STON1: variants seen among roughly 807,000 people sequenced by gnomAD.
The protein encoded by STON1 is stonin 1.
STON1 carries 79 observed loss-of-function variants against 60.9 expected under a neutral mutation model. That is an observed-to-expected ratio of 1.30 (90% CI 1.08 to 1.56). STON1 has a LOEUF of 1.56. Among genes scored for constraint, STON1 ranks in the 40% most tolerant of loss-of-function variants. STON1 has a pLI of 0.00. For synonymous variants in STON1, 363 were observed against 306.9 expected (o/e 1.18, Z -1.91); for missense variants, 1,166 against 858.9 (o/e 1.36, Z -4.47).
intron 1 of STON1, among the ~76,000 whole-genome samples, chr2:48,579,409 G>C (rs1343747038): frequency 6.6e-6 from 1 of 151,964 alleles, no homozygotes; most frequent in East Asian, 1.9e-4. Context: ...TACTGTTTTG[G>C]TGTGCTGTGT....
chr2:48,578,233 T>C (rs1420269783), intron 1 of STON1, among the ~76,000 whole-genome samples: 1 of 152,170 alleles, frequency 6.6e-6, no homozygotes, highest in African/African-American at 2.4e-5. Flanking sequence ...CACCTTGGCC[T>C]CCCAAAGTTG....
Position 48,595,585 on chromosome 2 carries a change from C to T in STON1, c.*283C>T, listed in dbSNP as rs542825634. Reference sequence around the variant, plus strand: ...GGCACTGTTACTCGTTGTGTGACCCCGCAGCCAGTATGATTTTTGATTACT... The same window carrying T: ...GGCACTGTTACTCGTTGTGTGACCCTGCAGCCAGTATGATTTTTGATTACT... On this transcript the variant is annotated 3_prime_UTR_variant, in exon 4 of 4. Coordinates refer to ENST00000404752, the MANE Select transcript of STON1 (RefSeq NM_006873.4). 5.4e-5 allele frequency: 20 copies of T among 368,492 alleles called. 1 individual carries two copies. Among genetic ancestry groups the T allele is most frequent in the South Asian group, 3.0e-4 (10 of 32,934 alleles). 22.8% of individuals were successfully genotyped at this position (368,492 alleles called of 1,614,324 possible).
chr2:48,559,921 G>T (rs1672540305), intron 1 of STON1, among the ~76,000 whole-genome samples: 1 of 152,202 alleles, frequency 6.6e-6, no homozygotes, highest in Admixed American at 6.5e-5. Context: ...ACTCTCTGTA[G>T]ATGGTGGTCC....
At chr2:48,577,970 T>C (rs1433238152) in intron 1 of STON1, among the ~76,000 whole-genome samples, 1 of 151,346 alleles carries the variant, frequency 6.6e-6, no homozygotes, top group Non-Finnish European at 1.5e-5. Context: ...TCAAGTCTTA[T>C]GTTTAAATCT....
At chr2:48,574,693 C>G (rs533758417) in intron 1 of STON1, among the ~76,000 whole-genome samples, 18 of 152,230 alleles carry the variant, frequency 1.2e-4, no homozygotes, top group African/African-American at 4.3e-4. Context: ...AAAGTGTAAA[C>G]CTCACATATT....
Position 48,581,479 on chromosome 2 carries a change from T to C in STON1, c.846T>C (p.Ile282=). 2 of 1,614,210 alleles carry C rather than the reference T, an allele frequency of 1.2e-6. No individual in the cohort carries two copies. Among genetic ancestry groups the C allele is most frequent in the South Asian group, 2.2e-5 (2 of 91,086 alleles). The change falls in exon 2 of 4, where the codon ATT becomes ATC. Residue 282 remains isoleucine, a synonymous_variant. Coordinates refer to ENST00000404752, the MANE Select transcript of STON1 (RefSeq NM_006873.4). ...PKSGWSFMLR[I]PEKKNMMSSR... ...CCGGATGGTCTTTCATGCTGAGAAT[T>C]CCTGAGAAGAAGAATATGATGTCTT...
At chr2:48,578,110 G>A (rs1370194076) in intron 1 of STON1, among the ~76,000 whole-genome samples, 1 of 152,156 alleles carries the variant, frequency 6.6e-6, no homozygotes, top group Admixed American at 6.5e-5. Context: ...GAGTAGCTTG[G>A]AATACAGGTG....
intron 3 of STON1, among the ~76,000 whole-genome samples, chr2:48,594,515 C>T (rs1674693051): frequency 6.6e-6 from 1 of 152,028 alleles, no homozygotes; most frequent in African/African-American, 2.4e-5. Context: ...AGTCCCTGTC[C>T]TCATGGAGCA....
At chr2:48,586,240 A>G (rs1479825083) in intron 2 of STON1, among the ~76,000 whole-genome samples, 3 of 152,216 alleles carry the variant, frequency 2.0e-5, no homozygotes, top group Non-Finnish European at 4.4e-5. Context: ...AACTGATTCA[A>G]TCAACAAGAA....
rs867349665 is a variant in STON1 at position 48,555,327 on chromosome 2, C to G, written c.-48+25111C>G. Among the ~76,000 whole-genome samples the G allele has an allele frequency of 3.9e-3, 107 of 27,470 alleles. 1 individual carries two copies. Among genetic ancestry groups the G allele is most frequent in the Non-Finnish European group, 4.3e-3 (54 of 12,468 alleles). The allele number at this position is 27,470 out of a possible 152,430, so 18.0% of individuals were successfully genotyped here. On this transcript the variant is annotated intron_variant, in intron 1 of 3. Transcript: ENST00000404752. ...GCTGGCCGGGCGGGGGGGGCTGACC[C>G]CCCCCACCTCCCTCCCGGATGGGGC...
At chr2:48,550,198 A>T (rs372525791) in intron 1 of STON1, among the ~76,000 whole-genome samples, 160 of 152,192 alleles carry the variant, frequency 1.1e-3, no homozygotes, top group East Asian at 2.7e-3. Context: ...ATATAAATAT[A>T]TCTTAAGCAT....
Position 48,595,386 on chromosome 2 carries a change from G to T in STON1, c.*84G>T. ...CACCAAGTCCTGCTACTGTAGAGTG[G>T]AAATGACTTCTGAATAGCGGTTTTA... On this transcript the variant is annotated 3_prime_UTR_variant, in exon 4 of 4. Transcript: ENST00000404752. 1 of 1,252,608 alleles carries T rather than the reference G, an allele frequency of 8.0e-7. No homozygotes were observed. 77.6% of individuals were successfully genotyped at this position (1,252,608 alleles called of 1,614,324 possible). A position where few individuals can be genotyped will look rare whatever the true frequency, so the allele number is the denominator to read the frequency against.
chr2:48,574,535 T>C (rs747078786), intron 1 of STON1, among the ~76,000 whole-genome samples: 4 of 152,264 alleles, frequency 2.6e-5, no homozygotes, highest in Non-Finnish European at 5.9e-5. Flanking sequence ...AAAGCTGTTA[T>C]TTAAAAAATT....
chr2:48,534,802 A>G (rs1671357572), intron 1 of STON1, among the ~76,000 whole-genome samples: 1 of 152,182 alleles, frequency 6.6e-6, no homozygotes, highest in Non-Finnish European at 1.5e-5. Context: ...GTGAGGAGGG[A>G]GAAAAACAAA....
At chr2:48,549,220 C>T (rs1671990091) in intron 1 of STON1, among the ~76,000 whole-genome samples, 2 of 152,192 alleles carry the variant, frequency 1.3e-5, no homozygotes, top group Admixed American at 1.3e-4. Context: ...GTAACAAGAG[C>T]AGAAGAATTT....
chr2:48,586,434 G>T (rs1296897311), intron 2 of STON1, among the ~76,000 whole-genome samples: 3 of 152,214 alleles, frequency 2.0e-5, no homozygotes, highest in African/African-American at 7.2e-5. Context: ...CTGTGGAAAA[G>T]TGCATAGTTC....
At chr2:48,533,974 G>A (rs1348426819) in intron 1 of STON1, among the ~76,000 whole-genome samples, 2 of 151,940 alleles carry the variant, frequency 1.3e-5, no homozygotes, top group East Asian at 1.9e-4. Context: ...TCTCCATGTT[G>A]GTCAGGCTGG....
chr2:48,595,492 G>C lies in STON1; in HGVS notation c.*190G>C. The C allele has an allele frequency of 1.8e-6, 1 of 551,510 alleles. No individual in the cohort carries two copies. The highest frequency in any genetic ancestry group is 3.2e-6 in the Non-Finnish European group (1 of 313,532). 34.2% of individuals were successfully genotyped at this position (551,510 alleles called of 1,614,324 possible). A position where few individuals can be genotyped will look rare whatever the true frequency, so the allele number is the denominator to read the frequency against. On this transcript the variant is annotated 3_prime_UTR_variant, in exon 4 of 4. Coordinates refer to ENST00000404752, the MANE Select transcript of STON1 (RefSeq NM_006873.4). ...TATTTTTTGCTTTTCATGTGTTTTT[G>C]TCCTAGGGGTTCGATCTAAAATGTT...
chr2:48,590,484 C>T (rs1045968198), intron 2 of STON1, among the ~76,000 whole-genome samples: 6 of 152,232 alleles, frequency 3.9e-5, no homozygotes, highest in African/African-American at 1.4e-4. Context: ...GTAATTTAAT[C>T]TGGTTCTTGA....
Sources: allele counts gnomAD v4.1 joint callset (sites outside exome capture counted in the v4.1 genomes callset), GRCh38; gene constraint gnomAD v4.1.1; transcripts MANE v1.5; gene names NCBI Gene and HGNC (gene_info 2026-07-23, HGNC 2026-07-21).